The following DPP6 variants were observed in gnomAD, a reference collection of about 807,000 sequenced individuals.
DPP6 encodes the protein A-type potassium channel modulatory protein DPP6.
In DPP6, 69 loss-of-function variants were observed where a neutral mutation model predicts 122.6. The ratio of observed to expected loss-of-function variants is 0.56; its 90% CI spans 0.46 to 0.69. The LOEUF is 0.69. Ranked by LOEUF, DPP6 falls within the 30% of genes least tolerant of loss-of-function variation. The pLI, the probability that DPP6 is intolerant of heterozygous loss-of-function variation, is 0.00. For missense variants in DPP6, 928 were observed against 1,116.9 expected (o/e 0.83, Z 2.41); for synonymous variants, 418 against 433.1 (o/e 0.97, Z 0.43).
the DPP6 span, among the ~76,000 whole-genome samples, chr7:153,755,105 T>C: frequency 6.6e-6 from 1 of 152,188 alleles, no homozygotes; most frequent in South Asian, 2.1e-4. Flanking sequence ...TTGGGCATCA[T>C]GCTTGTTGTG....
intron 1 of DPP6, among the ~76,000 whole-genome samples, chr7:153,903,170 GA>G (rs559816550): frequency 9.5e-4 from 145 of 152,248 alleles, no homozygotes; most frequent in African/African-American, 3.3e-3. Context: ...TTAAGAGCAA[GA>G]AAAAAACTCA....
chr7:154,676,932 G>C (rs1027737328), intron 7 of DPP6, among the ~76,000 whole-genome samples: 1 of 152,160 alleles, frequency 6.6e-6, no homozygotes, highest in African/African-American at 2.4e-5. Context: ...TTGCAGTTGT[G>C]GGGGGAAGAA....
chr7:154,757,616 G>A (rs1264689582), intron 8 of DPP6, among the ~76,000 whole-genome samples: 1 of 152,224 alleles, frequency 6.6e-6, no homozygotes, highest in African/African-American at 2.4e-5. Flanking sequence ...TCCACGGTAA[G>A]ATGTTTCCTC....
intron 1 of DPP6, among the ~76,000 whole-genome samples, chr7:153,929,029 C>T (rs147379199): frequency 6.6e-6 from 1 of 152,150 alleles, no homozygotes; most frequent in African/African-American, 2.4e-5. Context: ...CTTACAGCAT[C>T]CTACATACTT....
At chr7:153,864,540 C>G in the DPP6 span, among the ~76,000 whole-genome samples, 1 of 151,942 alleles carries the variant, frequency 6.6e-6, no homozygotes, top group Non-Finnish European at 1.5e-5. Context: ...CCTCTAATCC[C>G]AGCTACTCAG....
chr7:154,388,070 G>T (rs186491867), intron 1 of DPP6, among the ~76,000 whole-genome samples: 5 of 152,234 alleles, frequency 3.3e-5, no homozygotes, highest in African/African-American at 1.2e-4. Context: ...GGAAGACCAA[G>T]GGGGGAGTTT....
At chr7:154,223,454 A>G (rs1800418815) in intron 1 of DPP6, among the ~76,000 whole-genome samples, 1 of 149,402 alleles carries the variant, frequency 6.7e-6, no homozygotes, top group Admixed American at 6.6e-5. Flanking sequence ...AAATGTAAAA[A>G]TGTAATGGGG....
intron 5 of DPP6, among the ~76,000 whole-genome samples, chr7:154,617,418 T>C (rs1053249380): frequency 1.3e-5 from 2 of 152,222 alleles, no homozygotes; most frequent in East Asian, 3.8e-4. Context: ...AGAAATGCAA[T>C]TGCAAATGGC....
intron 1 of DPP6, among the ~76,000 whole-genome samples, chr7:154,135,267 C>T (rs1300704548): frequency 3.9e-5 from 6 of 151,924 alleles, no homozygotes; most frequent in Admixed American, 2.6e-4. Flanking sequence ...TGTGAGCCCA[C>T]ATTTCCTCCG....
chr7:154,767,480 G>C (rs1396618536), intron 8 of DPP6, among the ~76,000 whole-genome samples: 2 of 152,028 alleles, frequency 1.3e-5, no homozygotes, highest in East Asian at 1.9e-4. Context: ...TCCCAAACTC[G>C]CACCTGAACG....
At chr7:154,719,067 A>G (rs1841656893) in intron 7 of DPP6, among the ~76,000 whole-genome samples, 1 of 152,124 alleles carries the variant, frequency 6.6e-6, no homozygotes, top group African/African-American at 2.4e-5. Flanking sequence ...CAGATATTCT[A>G]CTTTCCATAT....
intron 1 of DPP6, among the ~76,000 whole-genome samples, chr7:154,175,400 GGAGAAGGCCT>G (rs1797748038): frequency 6.6e-6 from 1 of 152,124 alleles, no homozygotes. Flanking sequence ...GCTTAAGGGA[GGAGAAGGCCT>G]GAGAAGGGGC....
intron 1 of DPP6, among the ~76,000 whole-genome samples, chr7:154,232,839 G>C (rs550254484): frequency 6.6e-6 from 1 of 152,178 alleles, no homozygotes; most frequent in South Asian, 2.1e-4. Flanking sequence ...GCAGAAAACA[G>C]CTGAGATAAA....
chr7:154,242,917 A>G (rs1801721635), intron 1 of DPP6, among the ~76,000 whole-genome samples: 1 of 152,220 alleles, frequency 6.6e-6, no homozygotes, highest in South Asian at 2.1e-4. Context: ...CCACCAGGAG[A>G]TGCTGGAGCT....
chr7:153,862,365 A>G, the DPP6 span, among the ~76,000 whole-genome samples: 1 of 152,230 alleles, frequency 6.6e-6, no homozygotes. Context: ...CAGCAAAGTC[A>G]GGTCTGATGG....
chr7:154,349,704 G>T (rs530206480), intron 1 of DPP6, among the ~76,000 whole-genome samples: 1 of 152,080 alleles, frequency 6.6e-6, no homozygotes, highest in African/African-American at 2.4e-5. Flanking sequence ...GTGACTTAAC[G>T]CCGTGTCAGC....
chr7:154,311,841 C>T (rs899157895), intron 1 of DPP6, among the ~76,000 whole-genome samples: 1 of 152,196 alleles, frequency 6.6e-6, no homozygotes, highest in Non-Finnish European at 1.5e-5. Flanking sequence ...GCTCCATGTG[C>T]TTTTCCACCT....
chr7:154,229,484 T>C (rs961529824), intron 1 of DPP6, among the ~76,000 whole-genome samples: 4 of 152,190 alleles, frequency 2.6e-5, no homozygotes, highest in African/African-American at 9.6e-5. Context: ...GTGTTGGCTT[T>C]TGTTTTTGCT....
the DPP6 span, among the ~76,000 whole-genome samples, chr7:153,814,563 A>T: frequency 6.6e-6 from 1 of 152,150 alleles, no homozygotes; most frequent in Non-Finnish European, 1.5e-5. Flanking sequence ...TTCTGAAACT[A>T]TTCCAATCAA....
Sources: gnomAD v4.1 joint callset for allele counts (sites outside exome capture counted in the v4.1 genomes callset) on GRCh38, gnomAD v4.1.1 for gene constraint, MANE v1.5 for transcripts, NCBI Gene and HGNC (gene_info 2026-07-23, HGNC 2026-07-21) for gene names.